Variants in CRB1 observed in about 807,000 individuals in gnomAD.
CRB1 encodes the protein protein crumbs homolog 1.
In CRB1, 83 loss-of-function variants were observed where a neutral mutation model predicts 120.0. The observed-to-expected ratio is 0.69, with a 90% CI of 0.58 to 0.83. The LOEUF (loss-of-function observed/expected upper bound fraction) is 0.83, where lower values mean the gene tolerates loss of function less well. Among genes scored for constraint, CRB1 ranks in the 40% least tolerant of loss-of-function variants. The probability of loss-of-function intolerance (pLI) is 0.00; values close to 1 mark genes in which losing one functional copy is unlikely to be tolerated. For synonymous variants in CRB1, 625 were observed against 612.5 expected (o/e 1.02, Z -0.30); for missense variants, 1,699 against 1,687.6 (o/e 1.01, Z -0.12).
the CRB1 span, among the ~76,000 whole-genome samples, chr1:197,231,094 C>A: frequency 6.6e-6 from 1 of 152,124 alleles, no homozygotes; most frequent in South Asian, 2.1e-4. Context: ...ACACCATCAA[C>A]AATTTGGAGT....
At chr1:197,262,115 G>T in the CRB1 span, among the ~76,000 whole-genome samples, 7 of 152,298 alleles carry the variant, frequency 4.6e-5, no homozygotes, top group Middle Eastern at 6.8e-3. Context: ...TACTGATGAT[G>T]ACTCTAGTAT....
At chr1:197,413,772 A>G in intron 5 of CRB1, 2 of 358,266 alleles carry the variant, frequency 5.6e-6, no homozygotes, top group Admixed American at 6.6e-5. Context: ...ACACTAAGCC[A>G]CACTGATCCA....
chr1:197,312,493 A>G (rs1207262641), intron 1 of CRB1, among the ~76,000 whole-genome samples: 2 of 152,210 alleles, frequency 1.3e-5, no homozygotes, highest in Admixed American at 6.5e-5. Context: ...GAGGCAGGAG[A>G]ACTGCCTGAA....
At chr1:197,378,692 T>C (rs1661777039) in intron 5 of CRB1, among the ~76,000 whole-genome samples, 1 of 150,726 alleles carries the variant, frequency 6.6e-6, no homozygotes, top group Non-Finnish European at 1.5e-5. Flanking sequence ...TGAAGCTGTA[T>C]ATGTTTATTG....
Position 197,356,922 on chromosome 1 carries a change from G to T in CRB1, c.1080G>T (p.Glu360Asp), listed in dbSNP as rs1449692232. ...SNGECVELSS[E>D]KQYGRITGLP... ...GGGAATGTGTGGAGCTGTCCTCAGA[G>T]AAACAATATGGACGCATCACTGGAC... The change falls in exon 5 of 12, where the codon GAG becomes GAT. Residue 360 changes from glutamate (E) to aspartate (D), a missense_variant. Transcript: ENST00000367400. 6.2e-7 allele frequency: 1 copy of T among 1,614,228 alleles called. No homozygotes were observed. Among genetic ancestry groups the T allele is most frequent in the Non-Finnish European group, 8.5e-7 (1 of 1,180,040 alleles).
chr1:197,369,646 T>C (rs1571412650), intron 5 of CRB1, among the ~76,000 whole-genome samples: 2 of 152,178 alleles, frequency 1.3e-5, no homozygotes, highest in African/African-American at 4.8e-5. Context: ...CCACTATGAC[T>C]TATAAGTCTG....
chr1:197,285,989 G>A (rs554957555), intron 1 of CRB1, among the ~76,000 whole-genome samples: 18 of 151,760 alleles, frequency 1.2e-4, no homozygotes, highest in Admixed American at 7.2e-4. Context: ...TAGAATGTGA[G>A]GTCACAACGT....
intron 8 of CRB1, 119 bp from the exon 9 acceptor site, chr1:197,434,587 A>G: frequency 2.2e-6 from 2 of 895,300 alleles, no homozygotes; most frequent in Non-Finnish European, 3.5e-6. Context: ...AGTATGTAAC[A>G]TGTATCAAAT....
intron 5 of CRB1, among the ~76,000 whole-genome samples, chr1:197,375,411 A>G (rs1193917298): frequency 6.6e-6 from 1 of 152,152 alleles, no homozygotes; most frequent in Non-Finnish European, 1.5e-5. Context: ...GCAGGCAGTA[A>G]GCCAATCTGT....
intron 1 of CRB1, among the ~76,000 whole-genome samples, chr1:197,326,924 A>G (rs903279305): frequency 6.6e-6 from 1 of 151,504 alleles, no homozygotes; most frequent in Non-Finnish European, 1.5e-5. Flanking sequence ...AGTGACTTGT[A>G]CCTTTTTAAT....
intron 1 of CRB1, among the ~76,000 whole-genome samples, chr1:197,291,952 A>G (rs1291584961): frequency 2.0e-5 from 3 of 152,078 alleles, no homozygotes; most frequent in Non-Finnish European, 4.4e-5. Flanking sequence ...CTAAATGCCC[A>G]CAAGAGAAAG....
At chr1:197,346,109 A>T (rs188551683) in intron 3 of CRB1, among the ~76,000 whole-genome samples, 255 of 152,248 alleles carry the variant, frequency 1.7e-3, no homozygotes, top group African/African-American at 5.9e-3. Context: ...CAAGGCTGAA[A>T]CTTTGCTATC....
chr1:197,395,381 A>G (rs1048907170), intron 5 of CRB1, among the ~76,000 whole-genome samples: 1 of 152,136 alleles, frequency 6.6e-6, no homozygotes, highest in Non-Finnish European at 1.5e-5. Context: ...CAAATTATTC[A>G]TAAGCCAGAA....
intron 1 of CRB1, among the ~76,000 whole-genome samples, chr1:197,288,988 C>T (rs973055234): frequency 1.4e-5 from 2 of 140,320 alleles, no homozygotes; most frequent in Non-Finnish European, 3.2e-5. Context: ...AAAAAAAAAA[C>T]TTGAATTTCC....
chr1:197,357,450 G>T, intron 5 of CRB1: 1 of 215,550 alleles, frequency 4.6e-6, no homozygotes, highest in South Asian at 7.4e-5. Flanking sequence ...TGTAGCTAAA[G>T]TCATTCCACA....
At chr1:197,420,963 A>G (rs373266859) in intron 5 of CRB1, 37 bp from the exon 6 acceptor site, 39 of 1,234,594 alleles carry the variant, frequency 3.2e-5, no homozygotes, top group Non-Finnish European at 4.2e-5. Flanking sequence ...TTTGATGTGA[A>G]TATATATAAT....
At chr1:197,403,644 T>C (rs1455545782) in intron 5 of CRB1, among the ~76,000 whole-genome samples, 4 of 152,160 alleles carry the variant, frequency 2.6e-5, no homozygotes, top group African/African-American at 9.7e-5. Context: ...TTTCTTGGAC[T>C]TTCTCCTTAT....
At chr1:197,359,701 T>C (rs1003812997) in intron 5 of CRB1, among the ~76,000 whole-genome samples, 2 of 152,212 alleles carry the variant, frequency 1.3e-5, no homozygotes, top group African/African-American at 4.8e-5. Context: ...CTGTACCATT[T>C]TGCATTCCCA....
At chr1:197,400,978 A>G (rs1340557730) in intron 5 of CRB1, among the ~76,000 whole-genome samples, 2 of 151,928 alleles carry the variant, frequency 1.3e-5, no homozygotes, top group African/African-American at 4.8e-5. Flanking sequence ...CCCTTCCCCA[A>G]CACACACATA....
Sources: allele counts gnomAD v4.1 joint callset (sites outside exome capture counted in the v4.1 genomes callset), GRCh38; gene constraint gnomAD v4.1.1; transcripts MANE v1.5; gene names NCBI Gene and HGNC (gene_info 2026-07-23, HGNC 2026-07-21).